The following TRIM24 variants were observed in gnomAD, a reference collection of about 807,000 sequenced individuals.
TRIM24 encodes the protein tripartite motif containing 24, also known as transcription intermediary factor 1-alpha.
TRIM24 carries 29 observed loss-of-function variants against 123.9 expected under a neutral mutation model. The ratio of observed to expected loss-of-function variants is 0.23; its 90% CI spans 0.17 to 0.32. TRIM24 has a LOEUF of 0.32. Among genes scored for constraint, TRIM24 ranks in the 10% least tolerant of loss-of-function variants. TRIM24 has a pLI of 1.00. For synonymous variants in TRIM24, 456 were observed against 461.1 expected (o/e 0.99, Z 0.14); for missense variants, 932 against 1,295.3 (o/e 0.72, Z 4.31).
intron 5 of TRIM24, among the ~76,000 whole-genome samples, chr7:138,525,761 T>G (rs1242377509): frequency 6.6e-6 from 1 of 152,230 alleles, no homozygotes; most frequent in Non-Finnish European, 1.5e-5. Context: ...GCTGCAATTT[T>G]TTTAAAACTG....
At chr7:138,477,578 T>C (rs1434093326) in intron 1 of TRIM24, among the ~76,000 whole-genome samples, 2 of 152,230 alleles carry the variant, frequency 1.3e-5, no homozygotes, top group East Asian at 1.9e-4. Context: ...TTTTTGAAAC[T>C]GATTTTTAAA....
chr7:138,534,663 T>G (rs13239876), intron 6 of TRIM24, among the ~76,000 whole-genome samples: 7 of 152,350 alleles, frequency 4.6e-5, no homozygotes, highest in African/African-American at 1.4e-4. Flanking sequence ...ATAAGTGTGA[T>G]GTGGTGCTGA....
At chr7:138,510,630 C>T (rs2116545134) in intron 2 of TRIM24, among the ~76,000 whole-genome samples, 1 of 152,286 alleles carries the variant, frequency 6.6e-6, no homozygotes, top group East Asian at 1.9e-4. Flanking sequence ...CCATGTTGCC[C>T]AGGCTGGTCT....
intron 7 of TRIM24, among the ~76,000 whole-genome samples, chr7:138,543,726 C>G (rs1797047576): frequency 6.6e-6 from 1 of 152,162 alleles, no homozygotes; most frequent in Non-Finnish European, 1.5e-5. Context: ...ATCCTACTTA[C>G]CTTGTATCTA....
At chr7:138,553,936 G>C (rs184814853) in intron 8 of TRIM24, among the ~76,000 whole-genome samples, 17 of 152,278 alleles carry the variant, frequency 1.1e-4, no homozygotes, top group Admixed American at 9.2e-4. Flanking sequence ...CTTACATACA[G>C]GACAGTCCAG....
chr7:138,492,273 C>CA (rs34380067), intron 1 of TRIM24, among the ~76,000 whole-genome samples: 17,790 of 58,828 alleles, frequency 0.3, 2,223 homozygotes, highest in East Asian at 0.42. Context: ...ACTCTGTCTC[C>CA]AAAAAAAAAA....
chr7:138,527,348 T>A (rs1344287011), intron 5 of TRIM24, among the ~76,000 whole-genome samples: 1 of 152,210 alleles, frequency 6.6e-6, no homozygotes, highest in Non-Finnish European at 1.5e-5. Flanking sequence ...AGGCAAAAAA[T>A]TAAACAATCT....
chr7:138,496,294 G>C (rs775052061), intron 1 of TRIM24, among the ~76,000 whole-genome samples: 1 of 152,066 alleles, frequency 6.6e-6, no homozygotes, highest in Non-Finnish European at 1.5e-5. Flanking sequence ...TACATGTCCT[G>C]CATATCTTTG....
At chr7:138,543,198 A>G (rs1797037503) in intron 7 of TRIM24, among the ~76,000 whole-genome samples, 1 of 152,222 alleles carries the variant, frequency 6.6e-6, no homozygotes, top group Admixed American at 6.5e-5. Context: ...AATTTACACA[A>G]TGAACTGTTG....
intron 1 of TRIM24, among the ~76,000 whole-genome samples, chr7:138,486,536 G>A (rs1353630092): frequency 1.3e-5 from 2 of 152,162 alleles, no homozygotes; most frequent in Non-Finnish European, 2.9e-5. Flanking sequence ...AAGGGATCCG[G>A]TTTCAGCTTT....
At chr7:138,474,736 C>G (rs929421896) in intron 1 of TRIM24, among the ~76,000 whole-genome samples, 4 of 152,126 alleles carry the variant, frequency 2.6e-5, no homozygotes, top group Non-Finnish European at 5.9e-5. Flanking sequence ...TTGTCATTGT[C>G]AAAAATCAGT....
chr7:138,584,929 A>C lies in TRIM24; in HGVS notation c.3131A>C (p.Glu1044Ala). 1 of 1,610,842 alleles carries C rather than the reference A, an allele frequency of 6.2e-7. No homozygotes were observed. ...QPRKKRLKSI[E>A]ERQLLK The stretch of plus-strand genomic sequence containing the variant: ...CGGAAGAAACGCCTCAAAAGCATTG[A>C]AGAACGCCAGTTGCTTAAATAATAT... The change falls in exon 19 of 19, where the codon GAA (glutamate) becomes GCA (alanine). Residue 1044 changes from glutamate to alanine, a missense_variant. Around this residue, in one of 7 missense-constraint regions of TRIM24, gnomAD observed 104 missense variants for 121.5 expected, o/e 0.86. Coordinates refer to ENST00000343526, the MANE Select transcript of TRIM24 (RefSeq NM_015905.3).
chr7:138,573,714 CCT>C, intron 12 of TRIM24, 72 bp downstream of exon 12: 1 of 1,489,190 alleles, frequency 6.7e-7, no homozygotes, highest in Non-Finnish European at 9.0e-7. Flanking sequence ...AAAAATTACC[CCT>C]CTTCTCCTTT....
intron 4 of TRIM24, among the ~76,000 whole-genome samples, chr7:138,523,539 A>T (rs1246179020): frequency 6.6e-6 from 1 of 152,116 alleles, no homozygotes; most frequent in Non-Finnish European, 1.5e-5. Flanking sequence ...GCGGATCACA[A>T]GGTCAGGAGA....
At chr7:138,530,109 A>C (rs1249014998) in intron 6 of TRIM24, among the ~76,000 whole-genome samples, 1 of 152,174 alleles carries the variant, frequency 6.6e-6, no homozygotes, top group Non-Finnish European at 1.5e-5. Context: ...TGTACAGGAA[A>C]CAAAGACTAA....
rs773358662 is a variant in TRIM24, at chr7:138,580,709, A to T, written c.2718+15A>T. ...TAGATAAAAGGGTAAGTCTTTGGTA[A>T]GATGCATTATTGTATTGTAGTGCAA... On this transcript the variant is annotated intron_variant, in intron 16 of 18. Coordinates refer to ENST00000343526, the MANE Select transcript of TRIM24 (RefSeq NM_015905.3). 3 of 1,611,196 alleles carry T rather than the reference A, an allele frequency of 1.9e-6. No individual in the cohort carries two copies. The highest frequency in any genetic ancestry group is 1.1e-5 in the South Asian group (1 of 90,612).
intron 1 of TRIM24, among the ~76,000 whole-genome samples, chr7:138,477,583 T>C (rs1795431467): frequency 6.6e-6 from 1 of 152,198 alleles, no homozygotes. Context: ...GAAACTGATT[T>C]TTAAATCACA....
At chr7:138,564,234 G>A (rs547118212) in intron 9 of TRIM24, among the ~76,000 whole-genome samples, 28 of 152,202 alleles carry the variant, frequency 1.8e-4, no homozygotes, top group African/African-American at 5.3e-4. Flanking sequence ...ATGGGTCCCC[G>A]TGTCTCCCTA....
Position 138,519,316 on chromosome 7 carries a change from G to A in TRIM24, c.759G>A (p.Glu253=), listed in dbSNP as rs142728675. The change falls in exon 4 of 19, where the codon GAG becomes GAA. Residue 253 remains glutamate (E), a synonymous_variant. Coordinates refer to ENST00000343526, the MANE Select transcript of TRIM24 (RefSeq NM_015905.3). The part of the protein sequence containing the change: ...CRDCQLLEHK[E]HRYQFIEEAF... ...ACTGTCAGTTGTTAGAACATAAAGA[G>A]CATAGGTACCAGCATCTTTGGTTAT... 1.8e-5 allele frequency: 29 copies of A among 1,605,250 alleles called. No homozygotes were observed. The African/African-American group carries it at 2.6e-4, about 14-fold the overall frequency.
Sources: allele counts gnomAD v4.1 joint callset (sites outside exome capture counted in the v4.1 genomes callset), GRCh38; gene constraint gnomAD v4.1.1; regional missense constraint gnomAD v4.1.1; transcripts MANE v1.5; gene names NCBI Gene and HGNC (gene_info 2026-07-23, HGNC 2026-07-21).